RBBP8NL: variants seen among roughly 807,000 people sequenced by gnomAD.
The protein encoded by RBBP8NL is RBBP8 N-terminal-like protein.
In RBBP8NL, 59 loss-of-function variants were observed where a neutral mutation model predicts 62.2. That is an observed-to-expected ratio of 0.95 (90% CI 0.77 to 1.18). RBBP8NL has a LOEUF of 1.18. RBBP8NL is among the 50% of genes most tolerant of loss of function. The probability of loss-of-function intolerance (pLI) is 0.00; values close to 1 mark genes in which losing one functional copy is unlikely to be tolerated. For missense variants in RBBP8NL, 896 were observed against 899.5 expected (o/e 1.00, Z 0.05); for synonymous variants, 412 against 394.1 (o/e 1.05, Z -0.54).
In RBBP8NL at chr20:62,417,438, A is replaced by T; in HGVS notation, c.105-119T>A. On this transcript the variant is annotated intron_variant, in intron 3 of 13. Transcript: ENST00000252998. Reference sequence around the variant, plus strand: ...CACCTGCAGCCTTGGTCTGGGGGCAACGCCTAACCCGGTGCCCCCCTCCCA... The same window carrying T: ...CACCTGCAGCCTTGGTCTGGGGGCATCGCCTAACCCGGTGCCCCCCTCCCA... 5.6e-6 allele frequency: 4 copies of T among 711,962 alleles called. No individual in the cohort carries two copies. In the African/African-American group the frequency reaches 1.0e-4, roughly 18 times the overall value. The allele number at this position is 711,962 out of a possible 1,614,324, so 44.1% of individuals were successfully genotyped here. A position where few individuals can be genotyped will look rare whatever the true frequency, so the allele number is the denominator to read the frequency against.
intron 13 of RBBP8NL, 43 bp from the exon 14 acceptor site, chr20:62,411,039 C>T (rs2146435950): frequency 2.3e-6 from 3 of 1,321,790 alleles, no homozygotes; most frequent in East Asian, 4.6e-5. Flanking sequence ...TGTGTGCCTT[C>T]CTTTGAGGCA....
chr20:62,420,563 A>T (rs1601490060), intron 1 of RBBP8NL, among the ~76,000 whole-genome samples: 1 of 152,178 alleles, frequency 6.6e-6, no homozygotes, highest in East Asian at 1.9e-4. Flanking sequence ...GTACACAGAC[A>T]GGGATGCCCA....
intron 13 of RBBP8NL, 44 bp from the exon 14 acceptor site, chr20:62,411,040 C>T (rs772489817): frequency 1.5e-6 from 2 of 1,319,196 alleles, no homozygotes; most frequent in East Asian, 2.3e-5. Context: ...GTGTGCCTTC[C>T]TTTGAGGCAA....
At position 62,414,116 on chromosome 20, in the gene RBBP8NL, G is replaced by C; in HGVS notation, c.1235C>G (p.Ser412Cys). ...TRAALAAAGL[S>C]GGRHTQPAGP... is the part of the protein sequence containing the mutation. ...TGCAGGCTGTGTGTGCCGCCCTCCA[G>C]ACAGGCCTGCTGCGGCCAGAGCTGC... The change falls in exon 10 of 14, where the codon TCT (serine) becomes TGT (cysteine). Residue 412 changes from serine to cysteine, a missense_variant. Ser to Cys is a moderately radical substitution (Grantham distance 112). Coordinates refer to ENST00000252998, the MANE Select transcript of RBBP8NL (RefSeq NM_080833.3). 6.3e-7 allele frequency: 1 copy of C among 1,595,918 alleles called. No individual in the cohort carries two copies. Among genetic ancestry groups the C allele is most frequent in the Non-Finnish European group, 8.5e-7 (1 of 1,173,258 alleles).
chr20:62,421,173 C>T (rs563463618), intron 1 of RBBP8NL, among the ~76,000 whole-genome samples: 3 of 152,380 alleles, frequency 2.0e-5, no homozygotes, highest in Non-Finnish European at 2.9e-5. Context: ...ACTTCTTCAC[C>T]GGGTGGCTTG....
chr20:62,413,516 C>A lies in RBBP8NL; in HGVS notation c.1560G>T (p.Gln520His), dbSNP rs770402567. Residue 520 changes from glutamine to histidine, a missense_variant, in exon 11 of 14, where the codon CAG becomes CAT. Transcript: ENST00000252998. ...MDPSRPLPGS[Q>H]LSLSSPGSTE... ...TACTGCCTGGAGAGGACAGGCTGAG[C>A]TGGGACCCTGGAAGTGGGCGTGAGG... is the stretch of plus-strand genomic sequence containing the variant. 20 of 1,523,044 alleles carry A rather than the reference C, an allele frequency of 1.3e-5. No homozygotes were observed. Among genetic ancestry groups the A allele is most frequent in the Non-Finnish European group, 1.7e-5 (19 of 1,142,116 alleles). The allele number at this position is 1,523,044 out of a possible 1,614,324, so 94.3% of individuals were successfully genotyped here. A position where few individuals can be genotyped will look rare whatever the true frequency, so the allele number is the denominator to read the frequency against.
chr20:62,421,591 G>A (rs1245312004), intron 1 of RBBP8NL, among the ~76,000 whole-genome samples: 1 of 150,432 alleles, frequency 6.6e-6, no homozygotes, highest in Non-Finnish European at 1.5e-5. Context: ...GAGCCAGTGT[G>A]CATGTGTGTG....
intron 6 of RBBP8NL, 63 bp downstream of exon 6, chr20:62,416,101 G>T: frequency 6.5e-7 from 1 of 1,527,174 alleles, no homozygotes; most frequent in Non-Finnish European, 9.0e-7. Flanking sequence ...GACGTGTGCT[G>T]GGTGCTGCTC....
chr20:62,410,683 G>T lies in RBBP8NL; in HGVS notation c.*195C>A. On this transcript the variant is annotated 3_prime_UTR_variant, in exon 14 of 14. Transcript: ENST00000252998. ...TTCGGGGTTGCCTGCTGGTTGGGTG[G>T]TGTGCCCTCTCCAGGCTGTGGTGAG... is the stretch of plus-strand genomic sequence containing the variant. 1 of 601,008 alleles carries T rather than the reference G, an allele frequency of 1.7e-6. No individual in the cohort carries two copies. Among genetic ancestry groups the T allele is most frequent in the Non-Finnish European group, 2.9e-6 (1 of 340,822 alleles). The allele number at this position is 601,008 out of a possible 1,614,324, so 37.2% of individuals were successfully genotyped here. A position where few individuals can be genotyped will look rare whatever the true frequency, so the allele number is the denominator to read the frequency against.
In RBBP8NL at chr20:62,412,723, T is replaced by C. The variant is rs766557516; in HGVS notation, c.1777A>G (p.Thr593Ala). ...VGLSSQAEAT[T>A]STTGEGPECI... The stretch of plus-strand genomic sequence containing the variant: ...TCAGGCCCCTCCCCGGTCGTGCTCG[T>C]AGTGGCCTCCGCCTGGGAGCTCAGG... The change falls in exon 13 of 14, where the codon ACG (threonine) becomes GCG (alanine). Residue 593 changes from threonine (T) to alanine (A), a missense_variant. Physicochemically the swap from Thr to Ala is moderately conservative, Grantham distance 58. Transcript: ENST00000252998. 1 of 1,611,540 alleles carries C rather than the reference T, an allele frequency of 6.2e-7. No homozygotes were observed. Among genetic ancestry groups the C allele is most frequent in the South Asian group, 1.1e-5 (1 of 91,082 alleles).
Position 62,413,859 on chromosome 20 carries a change from TC to T in RBBP8NL, c.1491del (p.Thr498ProfsTer69). 6.3e-7 allele frequency: 1 copy of T among 1,596,576 alleles called. No individual in the cohort carries two copies. The highest frequency in any genetic ancestry group is 2.3e-5 in the East Asian group (1 of 44,228). ...SPQALSNGTK[G>X]TRVPEQEEAS... is the part of the protein sequence containing the mutation. ...GCCTCCTCCTGCTCTGGCACTCTGG[TC>T]CCCTTGGTGCCATTGCTGAGTGCCT... is the stretch of plus-strand genomic sequence containing the variant. On this transcript the variant is annotated frameshift_variant, in exon 10 of 14. Transcript: ENST00000252998. LOFTEE classifies it high-confidence loss of function.
intron 7 of RBBP8NL, 30 bp from the exon 8 acceptor site, chr20:62,415,690 T>G (rs1988546001): frequency 6.2e-7 from 1 of 1,611,504 alleles, no homozygotes; most frequent in African/African-American, 1.3e-5. Context: ...GGGCAAGAGC[T>G]TGGGAGGTGC....
rs577333177 is a variant in RBBP8NL at position 62,412,907 on chromosome 20, G to T, written c.1676-7C>A. The T allele has an allele frequency of 9.3e-6, 15 of 1,612,926 alleles. No homozygotes were observed. The Admixed American group carries it at 2.3e-4, about 25-fold the overall frequency. On this transcript the variant is annotated splice_region_variant and splice_polypyrimidine_tract_variant and intron_variant, in intron 11 of 13. Coordinates refer to ENST00000252998, the MANE Select transcript of RBBP8NL (RefSeq NM_080833.3). ...ACTTCAGCCTTGCTGGGCTCTGAAG[G>T]ATGCAGAGTGTGGGGTCAGGCCAGG... is the stretch of plus-strand genomic sequence containing the variant.
At position 62,414,060 on chromosome 20, in the gene RBBP8NL, CAGCCT is replaced by C; in HGVS notation, c.1286_1290del (p.Glu429GlyfsTer102). 2 of 1,595,016 alleles carry C rather than the reference CAGCCT, an allele frequency of 1.3e-6. No homozygotes were observed. Among genetic ancestry groups the C allele is most frequent in the Non-Finnish European group, 1.7e-6 (2 of 1,172,454 alleles). ...TCTAGGGCACAGTCCTGCGTGGCTGCAGCCTCTGTCCTCTGGGCGCGGCCCGGGCC... is the reference window on the plus strand; with the variant it reads ...TCTAGGGCACAGTCCTGCGTGGCTGCCTGTCCTCTGGGCGCGGCCCGGGCC... On this transcript the variant is annotated frameshift_variant, in exon 10 of 14. Transcript: ENST00000252998. LOFTEE classifies it high-confidence loss of function.
chr20:62,426,731 C>G (rs1988817127), intron 1 of RBBP8NL, among the ~76,000 whole-genome samples: 1 of 152,254 alleles, frequency 6.6e-6, no homozygotes, highest in Admixed American at 6.5e-5. Context: ...CCGCAGGGCC[C>G]CCGGGACAGC....
At chr20:62,426,804 C>T (rs1489083119) in intron 1 of RBBP8NL, among the ~76,000 whole-genome samples, 3 of 152,228 alleles carry the variant, frequency 2.0e-5, no homozygotes, top group Non-Finnish European at 4.4e-5. Flanking sequence ...CGCCCGTGCA[C>T]TCGTGTGTAC....
chr20:62,418,594 GC>G, intron 2 of RBBP8NL, 129 bp from the exon 3 acceptor site: 1 of 919,050 alleles, frequency 1.1e-6, no homozygotes, highest in Non-Finnish European at 1.7e-6. Context: ...GGGGAGCCCT[GC>G]CAGGTGAGCC....
At chr20:62,411,941 A>G (rs1448934120) in intron 13 of RBBP8NL, among the ~76,000 whole-genome samples, 1 of 152,258 alleles carries the variant, frequency 6.6e-6, no homozygotes, top group Non-Finnish European at 1.5e-5. Flanking sequence ...TTGCCCGGAG[A>G]AAAACCAGGG....
At position 62,416,217 on chromosome 20, in the gene RBBP8NL, C is replaced by T. The variant is rs1433811378; in HGVS notation, c.333G>A (p.Leu111=). ...IFILTNEMNG[L]KEENETLKEE... ...CCTTCAAGGTCTCGTTCTCTTCCTTCAGCCCGTTCATCTCGTTGGCTGCAA... is the reference window on the plus strand; with the variant it reads ...CCTTCAAGGTCTCGTTCTCTTCCTTTAGCCCGTTCATCTCGTTGGCTGCAA... The change falls in exon 6 of 14, where the codon CTG becomes CTA. Residue 111 remains leucine (L), a synonymous_variant. Coordinates refer to ENST00000252998, the MANE Select transcript of RBBP8NL (RefSeq NM_080833.3). 4 of 1,612,538 alleles carry T rather than the reference C, an allele frequency of 2.5e-6. No individual in the cohort carries two copies. Among genetic ancestry groups the T allele is most frequent in the Non-Finnish European group, 3.4e-6 (4 of 1,179,790 alleles).
Sources: allele counts gnomAD v4.1 joint callset (sites outside exome capture counted in the v4.1 genomes callset), GRCh38; gene constraint gnomAD v4.1.1; transcripts MANE v1.5; gene names NCBI Gene and HGNC (gene_info 2026-07-23, HGNC 2026-07-21).